Variants in THADA observed in about 807,000 individuals in gnomAD.
THADA encodes tRNA (32-2'-O)-methyltransferase regulator THADA.
THADA carries 213 observed loss-of-function variants against 219.8 expected under a neutral mutation model. That is an observed-to-expected ratio of 0.97 (90% CI 0.87 to 1.09). The LOEUF (loss-of-function observed/expected upper bound fraction) is 1.09, where lower values mean the gene tolerates loss of function less well. THADA is among the 50% of genes least tolerant of loss of function. The pLI, the probability that THADA is intolerant of heterozygous loss-of-function variation, is 0.00. For missense variants in THADA, 2,956 were observed against 2,311.3 expected (o/e 1.28, Z -5.72); for synonymous variants, 1,018 against 828.9 (o/e 1.23, Z -3.92).
At chr2:43,450,310 T>A (rs1682150944) in intron 26 of THADA, among the ~76,000 whole-genome samples, 1 of 152,206 alleles carries the variant, frequency 6.6e-6, no homozygotes, top group South Asian at 2.1e-4. Context: ...ACTAATGTTT[T>A]GGACACAACT....
rs545074644 is a variant in THADA at position 43,515,654 on chromosome 2, C to G, written c.3375-6874G>C. On this transcript the variant is annotated intron_variant, in intron 22 of 37. Coordinates refer to ENST00000405975, the MANE Select transcript of THADA (RefSeq NM_022065.5). Reference sequence around the variant, plus strand: ...AAACTGGAGATCTACAAAGGAACATCAATTATACCAAACACAAGTTTCTCA... The same window carrying G: ...AAACTGGAGATCTACAAAGGAACATGAATTATACCAAACACAAGTTTCTCA... 2.6e-5 allele frequency among the ~76,000 whole-genome samples: 4 copies of G among 151,538 alleles called. No homozygotes were observed. The South Asian group carries it at 8.3e-4, about 32-fold the overall frequency.
intron 21 of THADA, among the ~76,000 whole-genome samples, chr2:43,535,203 A>C (rs897647569): frequency 2.1e-5 from 2 of 95,814 alleles, no homozygotes; most frequent in Middle Eastern, 8.8e-3. Flanking sequence ...TGCTGTTGAG[A>C]TGTTTGAGGT....
At chr2:43,536,332 C>T (rs1483783823) in intron 21 of THADA, among the ~76,000 whole-genome samples, 3 of 152,108 alleles carry the variant, frequency 2.0e-5, no homozygotes, top group African/African-American at 7.2e-5. Flanking sequence ...CAGTACCACA[C>T]TTTTTTGTTG....
At chr2:43,306,095 A>G (rs878944990) in intron 31 of THADA, among the ~76,000 whole-genome samples, 1 of 151,862 alleles carries the variant, frequency 6.6e-6, no homozygotes, top group Non-Finnish European at 1.5e-5. Context: ...AGCAATGGAA[A>G]TGAGTCTGGG....
At chr2:43,365,159 AGG>A (rs1669984259) in intron 29 of THADA, among the ~76,000 whole-genome samples, 1 of 151,974 alleles carries the variant, frequency 6.6e-6, no homozygotes, top group African/African-American at 2.4e-5. Flanking sequence ...TCCTGACCTC[AGG>A]TGATCCACCC....
At chr2:43,566,569 A>G (rs1698707206) in intron 15 of THADA, 129 bp downstream of exon 15, 1 of 1,007,102 alleles carries the variant, frequency 9.9e-7, no homozygotes, top group African/African-American at 1.6e-5. Flanking sequence ...TACAAGCAAG[A>G]ATTATAAGGT....
intron 36 of THADA, 88 bp from the exon 37 acceptor site, chr2:43,232,970 C>G (rs1667616807): frequency 7.0e-7 from 1 of 1,420,794 alleles, no homozygotes; most frequent in Middle Eastern, 2.5e-4. Flanking sequence ...ACAATAAAGG[C>G]CTCAGGTAAA....
chr2:43,545,899 T>C (rs1695967163), intron 20 of THADA, among the ~76,000 whole-genome samples: 1 of 152,178 alleles, frequency 6.6e-6, no homozygotes. Flanking sequence ...CTTTAGTTAT[T>C]TCTTGCCTTC....
At chr2:43,433,082 T>C (rs1679580358) in intron 26 of THADA, among the ~76,000 whole-genome samples, 1 of 152,200 alleles carries the variant, frequency 6.6e-6, no homozygotes, top group Non-Finnish European at 1.5e-5. Flanking sequence ...AGAAGCTTTA[T>C]GGTTTTAGCT....
At chr2:43,304,929 C>G (rs1044144752) in intron 31 of THADA, among the ~76,000 whole-genome samples, 8 of 152,176 alleles carry the variant, frequency 5.3e-5, no homozygotes, top group African/African-American at 1.7e-4. Flanking sequence ...ACCTCGGCCT[C>G]CCAAAGTGCT....
chr2:43,572,793 C>T (rs1699441121), intron 12 of THADA, 21 bp downstream of exon 12: 4 of 1,609,588 alleles, frequency 2.5e-6, no homozygotes, highest in Non-Finnish European at 3.4e-6. Flanking sequence ...TGTACAAATC[C>T]AGGTAATTTT....
intron 31 of THADA, among the ~76,000 whole-genome samples, chr2:43,302,717 T>C (rs1355867435): frequency 2.0e-5 from 3 of 152,108 alleles, no homozygotes; most frequent in Non-Finnish European, 2.9e-5. Context: ...GAAAAAATCA[T>C]AGTGTCATCA....
chr2:43,349,808 G>A (rs142945824), intron 29 of THADA, among the ~76,000 whole-genome samples: 5 of 152,318 alleles, frequency 3.3e-5, no homozygotes, highest in Non-Finnish European at 7.3e-5. Context: ...TTTTGCAACT[G>A]TATTTTCTTA....
At chr2:43,252,954 A>T (rs547959204) in intron 36 of THADA, among the ~76,000 whole-genome samples, 71 of 152,226 alleles carry the variant, frequency 4.7e-4, no homozygotes, top group African/African-American at 1.7e-3. Context: ...AACTGTTCCA[A>T]TCTTTTCCCT....
chr2:43,443,223 G>C (rs1308433386), intron 26 of THADA, among the ~76,000 whole-genome samples: 2 of 152,194 alleles, frequency 1.3e-5, no homozygotes, highest in South Asian at 2.1e-4. Context: ...CAGTTGCCGA[G>C]TGAGTGAAGC....
At position 43,391,788 on chromosome 2, in the gene THADA, A is replaced by G. The variant is rs566612642; in HGVS notation, c.4227+6183T>C. On this transcript the variant is annotated intron_variant, in intron 29 of 37. Transcript: ENST00000405975. ...CCCTGAGAGCTGAAGGAATCAATAAATACCTTGGCACATCCATAGCCACGC... is the reference window on the plus strand; with the variant it reads ...CCCTGAGAGCTGAAGGAATCAATAAGTACCTTGGCACATCCATAGCCACGC... The G allele has an allele frequency of 2.6e-5, 4 of 152,336 alleles. No individual in the cohort carries two copies. The South Asian group carries it at 8.3e-4, about 32-fold the overall frequency. 9.4% of individuals were successfully genotyped at this position (152,336 alleles called of 1,614,324 possible).
intron 29 of THADA, among the ~76,000 whole-genome samples, chr2:43,362,545 C>T (rs922544739): frequency 3.3e-5 from 5 of 152,132 alleles, no homozygotes; most frequent in African/African-American, 1.2e-4. Flanking sequence ...ATAGAGCACT[C>T]ATCATGAGTG....
chr2:43,391,421 A>C (rs1673369024), intron 29 of THADA, among the ~76,000 whole-genome samples: 2 of 152,184 alleles, frequency 1.3e-5, no homozygotes, highest in Non-Finnish European at 2.9e-5. Flanking sequence ...AGCTGTCTCC[A>C]ACACCCAGCA....
At chr2:43,543,209 A>C (rs955695842) in intron 20 of THADA, among the ~76,000 whole-genome samples, 7 of 143,350 alleles carry the variant, frequency 4.9e-5, no homozygotes, top group Admixed American at 6.9e-5. Context: ...TGAACTCATC[A>C]TTTTTTATGG....
Sources: gnomAD v4.1 joint callset for allele counts (sites outside exome capture counted in the v4.1 genomes callset) on GRCh38, gnomAD v4.1.1 for gene constraint, MANE v1.5 for transcripts, NCBI Gene and HGNC (gene_info 2026-07-23, HGNC 2026-07-21) for gene names.